Variants in ADGRB3 observed in about 807,000 individuals in gnomAD.
The protein encoded by ADGRB3 is brain-specific angiogenesis inhibitor 3.
In ADGRB3, 37 loss-of-function variants were observed where a neutral mutation model predicts 193.4. The ratio of observed to expected loss-of-function variants is 0.19; its 90% CI spans 0.15 to 0.25. The LOEUF is 0.25. Among genes scored for constraint, ADGRB3 ranks in the 10% least tolerant of loss-of-function variants. The probability of loss-of-function intolerance (pLI) is 1.00; values close to 1 mark genes in which losing one functional copy is unlikely to be tolerated. For missense variants in ADGRB3, 1,637 were observed against 1,852.9 expected (o/e 0.88, Z 2.14); for synonymous variants, 690 against 644.2 (o/e 1.07, Z -1.08).
At chr6:68,773,124 A>G (rs1453089672) in intron 3 of ADGRB3, among the ~76,000 whole-genome samples, 2 of 151,634 alleles carry the variant, frequency 1.3e-5, no homozygotes, top group African/African-American at 4.8e-5. Flanking sequence ...TAAACAAACA[A>G]ACAAACATAT....
At chr6:69,234,613 A>C (rs1195322630) in intron 18 of ADGRB3, among the ~76,000 whole-genome samples, 1 of 152,172 alleles carries the variant, frequency 6.6e-6, no homozygotes, top group Non-Finnish European at 1.5e-5. Flanking sequence ...AGTTGTAAAT[A>C]GTAGCATCTA....
intron 5 of ADGRB3, among the ~76,000 whole-genome samples, chr6:68,938,782 T>C (rs1767555663): frequency 6.6e-6 from 1 of 152,182 alleles, no homozygotes; most frequent in Non-Finnish European, 1.5e-5. Context: ...TGTTCCCTAC[T>C]TACAGTATTG....
intron 3 of ADGRB3, among the ~76,000 whole-genome samples, chr6:68,704,359 A>G (rs1765290823): frequency 6.6e-6 from 1 of 152,224 alleles, no homozygotes; most frequent in Admixed American, 6.5e-5. Context: ...GAGTTCATTA[A>G]AAGTTAAGAA....
chr6:69,184,371 A>G (rs187997195), intron 17 of ADGRB3, among the ~76,000 whole-genome samples: 1 of 152,226 alleles, frequency 6.6e-6, no homozygotes, highest in East Asian at 1.9e-4. Context: ...CTTCCCTCCA[A>G]CGCTAATAAA....
intron 3 of ADGRB3, among the ~76,000 whole-genome samples, chr6:68,834,826 A>G (rs1041080570): frequency 6.6e-6 from 1 of 152,164 alleles, no homozygotes; most frequent in Admixed American, 6.6e-5. Context: ...ATGTGAATAT[A>G]CTGTTTATAA....
intron 23 of ADGRB3, 34 bp downstream of exon 23, chr6:69,330,606 AGG>A: frequency 6.5e-7 from 1 of 1,534,402 alleles, no homozygotes; most frequent in Admixed American, 2.0e-5. Context: ...TTGTTTTCTT[AGG>A]AAAAAAAAAA....
At chr6:69,221,611 A>G (rs1765895692) in intron 17 of ADGRB3, among the ~76,000 whole-genome samples, 1 of 152,170 alleles carries the variant, frequency 6.6e-6, no homozygotes, top group Admixed American at 6.6e-5. Flanking sequence ...ATGGCCTCTT[A>G]CAAAAGAGGT....
intron 3 of ADGRB3, among the ~76,000 whole-genome samples, chr6:68,830,346 G>A (rs1767928757): frequency 6.6e-6 from 1 of 152,100 alleles, no homozygotes; most frequent in Non-Finnish European, 1.5e-5. Context: ...AATTTATAAT[G>A]TGAACCACCT....
intron 30 of ADGRB3, among the ~76,000 whole-genome samples, chr6:69,373,931 G>A (rs1255165823): frequency 6.6e-6 from 1 of 152,046 alleles, no homozygotes; most frequent in Admixed American, 6.6e-5. Flanking sequence ...TGGAGCATTA[G>A]AAAAACTGTT....
intron 17 of ADGRB3, among the ~76,000 whole-genome samples, chr6:69,096,183 C>T (rs1772870157): frequency 6.6e-6 from 1 of 152,022 alleles, no homozygotes; most frequent in Non-Finnish European, 1.5e-5. Flanking sequence ...AATATTTTAG[C>T]TTTCCTAATT....
intron 3 of ADGRB3, among the ~76,000 whole-genome samples, chr6:68,890,680 T>A (rs1182705368): frequency 6.6e-6 from 1 of 152,124 alleles, no homozygotes; most frequent in Admixed American, 6.6e-5. Flanking sequence ...TGGATAGTTG[T>A]AAACTCAAAA....
chr6:68,971,161 C>A (rs182331255), intron 8 of ADGRB3, among the ~76,000 whole-genome samples: 4 of 152,246 alleles, frequency 2.6e-5, no homozygotes, highest in Admixed American at 2.0e-4. Context: ...TTGAACCAAC[C>A]ACAAATCAAA....
At chr6:68,804,330 A>G (rs947778849) in intron 3 of ADGRB3, among the ~76,000 whole-genome samples, 2 of 152,322 alleles carry the variant, frequency 1.3e-5, no homozygotes, top group Non-Finnish European at 2.9e-5. Flanking sequence ...CCAAATGTCA[A>G]TCTGCTGTGT....
intron 5 of ADGRB3, among the ~76,000 whole-genome samples, chr6:68,939,736 A>C (rs1364974534): frequency 6.6e-6 from 1 of 152,198 alleles, no homozygotes; most frequent in Non-Finnish European, 1.5e-5. Flanking sequence ...ATATCCTGAA[A>C]ATAGTGACAA....
In ADGRB3 at chr6:69,197,434, G is replaced by A. The variant is rs1765325806; in HGVS notation, c.2481-35856G>A. The stretch of plus-strand genomic sequence containing the variant: ...TAAAGACTTTTTTTTTTACATTGTT[G>A]AATTTTTAAGTTACCTACTTAATTG... On this transcript the variant is annotated intron_variant, in intron 17 of 31. Transcript: ENST00000370598. Among the ~76,000 whole-genome samples the A allele has an allele frequency of 2.7e-5, 4 of 150,510 alleles. No homozygotes were observed. In the South Asian group the frequency reaches 8.3e-4, roughly 31 times the overall value.
chr6:69,173,678 A>G (rs1375792452), intron 17 of ADGRB3, among the ~76,000 whole-genome samples: 1 of 152,040 alleles, frequency 6.6e-6, no homozygotes, highest in Non-Finnish European at 1.5e-5. Context: ...ATTGTAAGTC[A>G]TTACTACTCT....
intron 17 of ADGRB3, among the ~76,000 whole-genome samples, chr6:69,135,408 G>A (rs1774122752): frequency 6.6e-6 from 1 of 151,762 alleles, no homozygotes; most frequent in Non-Finnish European, 1.5e-5. Flanking sequence ...TCCTCTATAA[G>A]CTAATTTAAT....
intron 13 of ADGRB3, among the ~76,000 whole-genome samples, chr6:69,033,138 T>C (rs1770763086): frequency 6.6e-6 from 1 of 152,192 alleles, no homozygotes; most frequent in Admixed American, 6.5e-5. Flanking sequence ...TAGGCAGATA[T>C]TATGACCAAT....
At chr6:68,741,281 C>T (rs931685643) in intron 3 of ADGRB3, among the ~76,000 whole-genome samples, 6 of 152,020 alleles carry the variant, frequency 3.9e-5, no homozygotes, top group South Asian at 2.1e-4. Context: ...CTAAGGCACC[C>T]GGAGATAAAG....
Sources: allele counts gnomAD v4.1 joint callset (sites outside exome capture counted in the v4.1 genomes callset), GRCh38; gene constraint gnomAD v4.1.1; transcripts MANE v1.5; gene names NCBI Gene and HGNC (gene_info 2026-07-23, HGNC 2026-07-21).